ZC3H12B: variants seen among roughly 807,000 people sequenced by gnomAD.
ZC3H12B encodes zinc finger CCCH-type containing 12B.
In ZC3H12B, 7 loss-of-function variants were observed where a neutral mutation model predicts 43.9. The ratio of observed to expected loss-of-function variants is 0.16; its 90% CI spans 0.09 to 0.30. The LOEUF (loss-of-function observed/expected upper bound fraction) is 0.30. Among genes scored for constraint, ZC3H12B ranks in the 10% least tolerant of loss-of-function variants. The probability of loss-of-function intolerance (pLI) is 1.00; values close to 1 mark genes in which losing one functional copy is unlikely to be tolerated. For synonymous variants in ZC3H12B, 222 were observed against 241.7 expected, an observed-to-expected ratio of 0.92 and a Z score of 0.76; for missense variants, 475 against 670.2, an observed-to-expected ratio of 0.71 and a Z score of 3.22.
chrX:65,494,985 G>C (rs1046872615), intron 1 of ZC3H12B, among the ~76,000 whole-genome samples: 4 of 110,891 alleles, frequency 3.6e-5, no homozygotes, highest in Non-Finnish European at 7.6e-5. Context: ...CCCAAGTTCT[G>C]TTATTCTTTA....
chrX:65,366,092 G>T (rs1365543874), upstream of ZC3H12B, among the ~76,000 whole-genome samples: 1 of 109,887 alleles, frequency 9.1e-6, no homozygotes, highest in Middle Eastern at 4.3e-3. Flanking sequence ...GCTTTTATTG[G>T]CTTAAACTAT....
the ZC3H12B span, among the ~76,000 whole-genome samples, chrX:65,105,695 A>C: frequency 9.0e-6 from 1 of 111,705 alleles, no homozygotes; most frequent in East Asian, 2.8e-4. Context: ...CCTGCCTTGG[A>C]GCCTACTTCA....
At chrX:65,162,093 C>T in the ZC3H12B span, among the ~76,000 whole-genome samples, 3 of 111,401 alleles carry the variant, frequency 2.7e-5, no homozygotes, top group South Asian at 3.8e-4. Flanking sequence ...TGAGTATTGG[C>T]CCCCACTCTC....
At chrX:65,389,778 G>C (rs193209214) in intron 2 of ZC3H12B, among the ~76,000 whole-genome samples, 1 of 112,343 alleles carries the variant, frequency 8.9e-6, no homozygotes, top group African/African-American at 3.2e-5. Context: ...TTGGCTCCAC[G>C]CCCAATAGGA....
the ZC3H12B span, among the ~76,000 whole-genome samples, chrX:65,265,565 A>G: frequency 3.6e-5 from 4 of 112,187 alleles, no homozygotes; most frequent in African/African-American, 9.7e-5. Flanking sequence ...ACATTTCCTA[A>G]TGTATGAAAA....
At chrX:65,198,355 C>A in the ZC3H12B span, among the ~76,000 whole-genome samples, 2 of 111,806 alleles carry the variant, frequency 1.8e-5, no homozygotes, top group Non-Finnish European at 3.8e-5. Flanking sequence ...CAGATGATAT[C>A]TTTATTGCTG....
upstream of ZC3H12B, among the ~76,000 whole-genome samples, chrX:65,361,753 G>T (rs1456436836): frequency 9.1e-6 from 1 of 110,372 alleles, no homozygotes; most frequent in Admixed American, 9.7e-5. Flanking sequence ...ATTAAAAAAA[G>T]CTCCAAAAAT....
the ZC3H12B span, among the ~76,000 whole-genome samples, chrX:65,106,717 C>G: frequency 9.0e-6 from 1 of 110,760 alleles, no homozygotes; most frequent in Non-Finnish European, 1.9e-5. Context: ...TGGGAAGGAC[C>G]AAGTAAGACA....
intron 3 of ZC3H12B, among the ~76,000 whole-genome samples, chrX:65,481,336 T>C (rs1490528212): frequency 8.9e-6 from 1 of 111,998 alleles, no homozygotes; most frequent in Non-Finnish European, 1.9e-5. Flanking sequence ...TGTTTACATG[T>C]TTATCTCACC....
chrX:65,443,650 G>T (rs748869326), intron 3 of ZC3H12B, among the ~76,000 whole-genome samples: 2 of 112,831 alleles, frequency 1.8e-5, no homozygotes, highest in East Asian at 2.8e-4. Context: ...TCAGGCTTTT[G>T]TTTGTGGTTT....
the ZC3H12B span, chrX:65,272,109 G>A: frequency 8.2e-5 from 9 of 109,889 alleles, no homozygotes; most frequent in East Asian, 2.3e-3. Context: ...AGCTACTCAG[G>A]AGGCTGAGGC....
chrX:65,131,790 T>A, the ZC3H12B span, among the ~76,000 whole-genome samples: 2 of 111,136 alleles, frequency 1.8e-5, no homozygotes, highest in African/African-American at 6.6e-5. Context: ...TATGTGAAGG[T>A]AGGTAACGGA....
the ZC3H12B span, among the ~76,000 whole-genome samples, chrX:65,099,037 A>G: frequency 9.0e-6 from 1 of 110,976 alleles, no homozygotes; most frequent in Admixed American, 9.5e-5. Context: ...ATGATTGAGC[A>G]TGGTGGGGGA....
chrX:65,253,519 G>T, the ZC3H12B span, among the ~76,000 whole-genome samples: 2 of 112,066 alleles, frequency 1.8e-5, no homozygotes, highest in Non-Finnish European at 3.8e-5. Flanking sequence ...GGCTCCCATA[G>T]CCCCAAGGTT....
At chrX:65,464,491 T>C (rs1295362015) in intron 3 of ZC3H12B, among the ~76,000 whole-genome samples, 5 of 111,649 alleles carry the variant, frequency 4.5e-5, no homozygotes, top group African/African-American at 1.6e-4. Flanking sequence ...TTCCTGATTT[T>C]AGTAATTTAT....
the ZC3H12B span, among the ~76,000 whole-genome samples, chrX:65,194,068 G>T: frequency 2.7e-5 from 3 of 109,287 alleles, no homozygotes; most frequent in Admixed American, 2.9e-4. Flanking sequence ...CAGTGGCACG[G>T]GGGTAATGCA....
chrX:65,207,352 A>G, the ZC3H12B span, among the ~76,000 whole-genome samples: 1 of 110,007 alleles, frequency 9.1e-6, no homozygotes, highest in Non-Finnish European at 1.9e-5. Context: ...ATGGAATTGG[A>G]GACTATTATT....
At chrX:65,451,283 A>G (rs980467054) in intron 3 of ZC3H12B, among the ~76,000 whole-genome samples, 34 of 109,712 alleles carry the variant, frequency 3.1e-4, no homozygotes, top group African/African-American at 9.9e-4. Flanking sequence ...TTTTTTTATA[A>G]TTTCTATTTC....
chrX:65,326,730 A>G, the ZC3H12B span, among the ~76,000 whole-genome samples: 1 of 111,620 alleles, frequency 9.0e-6, no homozygotes, highest in Non-Finnish European at 1.9e-5. Flanking sequence ...CACTGATTAC[A>G]TCTTTACAAA....
Sources: allele counts gnomAD v4.1 joint callset (sites outside exome capture counted in the v4.1 genomes callset), GRCh38; gene constraint gnomAD v4.1.1; transcripts MANE v1.5; gene names NCBI Gene and HGNC (gene_info 2026-07-23, HGNC 2026-07-21).